Variants in FMN2 observed in about 807,000 individuals in gnomAD.
FMN2 encodes the protein formin 2.
In FMN2, 51 loss-of-function variants were observed where a neutral mutation model predicts 142.3. That is an observed-to-expected ratio of 0.36 (90% CI 0.29 to 0.45). The LOEUF (loss-of-function observed/expected upper bound fraction) is 0.45. Among genes scored for constraint, FMN2 ranks in the 20% least tolerant of loss-of-function variants. The probability of loss-of-function intolerance (pLI) is 1.00; values close to 1 mark genes in which losing one functional copy is unlikely to be tolerated. For missense variants in FMN2, 1,936 were observed against 2,122.8 expected, an observed-to-expected ratio of 0.91 and a Z score of 1.73; for synonymous variants, 882 against 869.8, an observed-to-expected ratio of 1.01 and a Z score of -0.25.
intron 6 of FMN2, among the ~76,000 whole-genome samples, chr1:240,255,503 A>T (rs998112928): frequency 3.3e-5 from 5 of 152,182 alleles, no homozygotes; most frequent in African/African-American, 1.2e-4. Context: ...TAAAGTATAG[A>T]ACTAAATGCT....
intron 6 of FMN2, among the ~76,000 whole-genome samples, chr1:240,226,570 A>T (rs1486881106): frequency 3.9e-5 from 6 of 152,226 alleles, no homozygotes; most frequent in African/African-American, 1.4e-4. Context: ...TGGTAATTTG[A>T]GATCACATAT....
chr1:240,356,439 CATT>C (rs1558449797), intron 14 of FMN2, among the ~76,000 whole-genome samples: 1 of 152,004 alleles, frequency 6.6e-6, no homozygotes. Context: ...AGCTTAAAAA[CATT>C]ATAAATATTA....
chr1:240,375,602 C>A (rs116148119), intron 14 of FMN2, among the ~76,000 whole-genome samples: 2,767 of 152,224 alleles, frequency 0.018, 95 homozygotes, highest in African/African-American at 0.062. Flanking sequence ...CTTTCCTATT[C>A]CCATCCATTT....
rs1676905663 is a variant in FMN2 at position 240,474,375 on chromosome 1, T to G, written c.*221T>G. 1 of 473,404 alleles carries G rather than the reference T, an allele frequency of 2.1e-6. No individual in the cohort carries two copies. Among genetic ancestry groups the G allele is most frequent in the African/African-American group, 2.0e-5 (1 of 48,878 alleles). 29.3% of individuals were successfully genotyped at this position (473,404 alleles called of 1,614,324 possible). On this transcript the variant is annotated 3_prime_UTR_variant, in exon 18 of 18. Transcript: ENST00000319653. ...CCAGTGGAGAATTTGACACCTTTTC[T>G]TTTTGTAAAAGTTTATGGTATTATA...
intron 14 of FMN2, among the ~76,000 whole-genome samples, chr1:240,379,511 A>G (rs537826277): frequency 6.6e-6 from 1 of 151,992 alleles, no homozygotes; most frequent in Non-Finnish European, 1.5e-5. Context: ...CTAGACTTCT[A>G]TCTGTATTTC....
At chr1:240,178,227 G>T (rs1665006479) in intron 3 of FMN2, 159 bp downstream of exon 3, 1 of 779,018 alleles carries the variant, frequency 1.3e-6, no homozygotes, top group Non-Finnish European at 1.8e-6. Context: ...TTCTCTCTTT[G>T]TTCCTTTTGT....
intron 16 of FMN2, among the ~76,000 whole-genome samples, chr1:240,452,872 A>T (rs1022783838): frequency 6.6e-6 from 1 of 152,194 alleles, no homozygotes; most frequent in Non-Finnish European, 1.5e-5. Flanking sequence ...TATACTGAGT[A>T]TGTACACAAG....
chr1:240,200,123 G>A (rs1438151705), intron 4 of FMN2, among the ~76,000 whole-genome samples: 1 of 152,130 alleles, frequency 6.6e-6, no homozygotes, highest in African/African-American at 2.4e-5. Flanking sequence ...AGAGGAACAG[G>A]CTCCTAACTG....
At chr1:240,285,402 C>A in intron 7 of FMN2, 1 of 415,110 alleles carries the variant, frequency 2.4e-6, no homozygotes, top group South Asian at 1.8e-5. Flanking sequence ...GCTGAGAAGG[C>A]TGTTGGTTCT....
intron 1 of FMN2, among the ~76,000 whole-genome samples, chr1:240,122,978 C>T (rs1662343761): frequency 6.6e-6 from 1 of 152,098 alleles, no homozygotes; most frequent in East Asian, 1.9e-4. Flanking sequence ...GAGAGCAAAC[C>T]AGTTCTGCAG....
At chr1:240,459,717 T>TAAAAAAAAAAAAAA (rs57065226) in intron 16 of FMN2, among the ~76,000 whole-genome samples, 13 of 67,126 alleles carry the variant, frequency 1.9e-4, no homozygotes, top group Non-Finnish European at 2.1e-4. Context: ...ACTCTGTCTC[T>TAAAAAAAAAAAAAA]AAAAAAAAAA....
intron 8 of FMN2, among the ~76,000 whole-genome samples, 163 bp downstream of exon 8, chr1:240,295,046 A>G (rs1306750370): frequency 2.0e-5 from 3 of 152,162 alleles, no homozygotes; most frequent in Admixed American, 1.3e-4. Flanking sequence ...CTAGGAACAT[A>G]TCAAACAAAT....
intron 7 of FMN2, among the ~76,000 whole-genome samples, chr1:240,264,476 C>G (rs1242836111): frequency 6.6e-6 from 1 of 152,028 alleles, no homozygotes; most frequent in Non-Finnish European, 1.5e-5. Flanking sequence ...TGGTTTGTTG[C>G]ACCCATCAAT....
chr1:240,357,767 C>A (rs1005590952), intron 14 of FMN2, among the ~76,000 whole-genome samples: 12 of 152,122 alleles, frequency 7.9e-5, no homozygotes, highest in Admixed American at 5.9e-4. Context: ...GCCACCACGC[C>A]CGGCTAATTT....
At chr1:240,357,751 GCACCCGCCACCA>G (rs773819274) in intron 14 of FMN2, among the ~76,000 whole-genome samples, 4 of 151,890 alleles carry the variant, frequency 2.6e-5, no homozygotes, top group Non-Finnish European at 5.9e-5. Flanking sequence ...GCAATTACAG[GCACCCGCCACCA>G]CGCCCGGCTA....
intron 6 of FMN2, among the ~76,000 whole-genome samples, chr1:240,235,044 C>T (rs946208459): frequency 6.6e-6 from 1 of 152,092 alleles, no homozygotes; most frequent in Non-Finnish European, 1.5e-5. Flanking sequence ...ATGCAAAATT[C>T]TTCAAAGAAT....
intron 6 of FMN2, among the ~76,000 whole-genome samples, chr1:240,222,721 T>C (rs2103425940): frequency 6.6e-6 from 1 of 152,298 alleles, no homozygotes; most frequent in South Asian, 2.1e-4. Context: ...CCTTGTAAGT[T>C]TTATTCCTAG....
chr1:240,437,706 T>G (rs954346538), intron 15 of FMN2, among the ~76,000 whole-genome samples: 1 of 152,212 alleles, frequency 6.6e-6, no homozygotes, highest in East Asian at 1.9e-4. Context: ...ACATGGTTAA[T>G]ATTTCATTTG....
At chr1:240,183,278 A>G (rs530188905) in intron 3 of FMN2, among the ~76,000 whole-genome samples, 14 of 151,862 alleles carry the variant, frequency 9.2e-5, no homozygotes, top group Admixed American at 3.9e-4. Flanking sequence ...CAGAAATTCT[A>G]TAAGGGACCA....
Sources: allele counts gnomAD v4.1 joint callset (sites outside exome capture counted in the v4.1 genomes callset), GRCh38; gene constraint gnomAD v4.1.1; transcripts MANE v1.5; gene names NCBI Gene and HGNC (gene_info 2026-07-23, HGNC 2026-07-21).